Variants in PPARGC1A observed in about 807,000 individuals in gnomAD.
PPARGC1A encodes PPARG coactivator 1 alpha, also known as peroxisome proliferator-activated receptor gamma coactivator 1-alpha.
A neutral mutation model predicts 88.7 loss-of-function variants in PPARGC1A; 25 were observed. That is an observed-to-expected ratio of 0.28 (90% confidence interval 0.21 to 0.39). PPARGC1A has a LOEUF of 0.39. PPARGC1A is among the 10% of genes least tolerant of loss of function. The probability of loss-of-function intolerance (pLI) is 1.00; values close to 1 mark genes in which losing one functional copy is unlikely to be tolerated. For missense variants in PPARGC1A, 880 were observed against 968.7 expected (o/e 0.91, Z 1.22); for synonymous variants, 363 against 355.6 (o/e 1.02, Z -0.24).
the PPARGC1A span, among the ~76,000 whole-genome samples, chr4:24,437,689 G>A: frequency 1.3e-5 from 2 of 151,188 alleles, no homozygotes; most frequent in Non-Finnish European, 2.9e-5. Flanking sequence ...TTCTTTTCGA[G>A]ATGGAGTTTT....
At chr4:23,913,299 GAGAGAGA>G in the PPARGC1A span, among the ~76,000 whole-genome samples, 36 of 135,564 alleles carry the variant, frequency 2.7e-4, no homozygotes, top group African/African-American at 9.5e-4. Context: ...GAGAGAGAGA[GAGAGAGA>G]GAAAGAGAAA....
chr4:24,200,387 G>T, the PPARGC1A span, among the ~76,000 whole-genome samples: 5 of 151,720 alleles, frequency 3.3e-5, no homozygotes, highest in Non-Finnish European at 7.4e-5. Flanking sequence ...GGTGGACACC[G>T]GTAATCCCAG....
At chr4:24,091,823 T>A in the PPARGC1A span, among the ~76,000 whole-genome samples, 1 of 151,994 alleles carries the variant, frequency 6.6e-6, no homozygotes. Context: ...AATGGGTCAT[T>A]CTTATGCTTG....
At chr4:23,897,713 C>T (rs138612754) in intron 1 of PPARGC1A, among the ~76,000 whole-genome samples, 16 of 152,282 alleles carry the variant, frequency 1.1e-4, no homozygotes, top group Admixed American at 1.3e-4. Flanking sequence ...AACCACTCAA[C>T]GATTCTAGAA....
At chr4:24,430,255 CT>C in the PPARGC1A span, among the ~76,000 whole-genome samples, 759 of 110,724 alleles carry the variant, frequency 6.9e-3, 2 homozygotes, top group African/African-American at 0.02. Context: ...TTTTGTATTT[CT>C]TTTTTTTTTT....
chr4:24,153,788 T>C, the PPARGC1A span, among the ~76,000 whole-genome samples: 4 of 152,140 alleles, frequency 2.6e-5, no homozygotes, highest in Admixed American at 2.6e-4. Context: ...GGCTGGACTG[T>C]AGAATTTCTA....
chr4:24,384,558 C>CAAAAAAA, the PPARGC1A span, among the ~76,000 whole-genome samples: 5 of 53,952 alleles, frequency 9.3e-5, no homozygotes, highest in East Asian at 6.8e-4. Context: ...AAATGGAAAG[C>CAAAAAAA]AAAAAAAAAA....
chr4:24,261,649 G>C, the PPARGC1A span, among the ~76,000 whole-genome samples: 1 of 152,136 alleles, frequency 6.6e-6, no homozygotes, highest in African/African-American at 2.4e-5. Context: ...CATTAGTCAC[G>C]AGAATGTAAT....
chr4:24,174,688 C>A, the PPARGC1A span, among the ~76,000 whole-genome samples: 1 of 152,156 alleles, frequency 6.6e-6, no homozygotes, highest in South Asian at 2.1e-4. Context: ...GGGTTCCAAC[C>A]CAAGTCTTAT....
the PPARGC1A span, among the ~76,000 whole-genome samples, chr4:24,175,086 G>A: frequency 1.3e-5 from 2 of 152,202 alleles, no homozygotes; most frequent in East Asian, 1.9e-4. Flanking sequence ...CAGAGGCCTC[G>A]CGATATATAT....
At chr4:24,339,191 C>CGTGTGTGTGTGTGT in the PPARGC1A span, among the ~76,000 whole-genome samples, 35 of 102,828 alleles carry the variant, frequency 3.4e-4, no homozygotes, top group African/African-American at 1.3e-3. Context: ...AAGGTTCATC[C>CGTGTGTGTGTGTGT]ATGTGTGTGT....
At chr4:24,116,238 C>T in the PPARGC1A span, among the ~76,000 whole-genome samples, 3 of 152,262 alleles carry the variant, frequency 2.0e-5, no homozygotes, top group African/African-American at 7.2e-5. Flanking sequence ...TTCATTCTGT[C>T]AACAAATATT....
chr4:24,470,291 C>G, the PPARGC1A span, among the ~76,000 whole-genome samples: 35 of 139,744 alleles, frequency 2.5e-4, no homozygotes, highest in African/African-American at 8.8e-4. This position sits in a 1 kb window ranked among gnomAD's most constrained non-coding sequence, Gnocchi z 5.8. Flanking sequence ...CACACACACA[C>G]ACACACACAC....
At chr4:24,238,033 G>T in the PPARGC1A span, among the ~76,000 whole-genome samples, 39 of 152,302 alleles carry the variant, frequency 2.6e-4, no homozygotes, top group East Asian at 3.5e-3. Context: ...ACACAGAGAG[G>T]TTAGGTAACT....
the PPARGC1A span, among the ~76,000 whole-genome samples, chr4:24,173,338 CAAAA>C: frequency 2.7e-4 from 32 of 117,556 alleles, no homozygotes; most frequent in Non-Finnish European, 3.5e-4. Context: ...CTTTCCCCAC[CAAAA>C]AAAAAAAAAA....
At chr4:24,312,633 C>CAA in the PPARGC1A span, among the ~76,000 whole-genome samples, 7,492 of 125,916 alleles carry the variant, frequency 0.059, 292 homozygotes, top group African/African-American at 0.094. Flanking sequence ...TTTCATCAAC[C>CAA]AAAAAAAAAA....
chr4:24,013,835 G>T, the PPARGC1A span, among the ~76,000 whole-genome samples: 4 of 152,132 alleles, frequency 2.6e-5, no homozygotes, highest in Admixed American at 6.5e-5. Flanking sequence ...AGGGTGCCAA[G>T]AATTAATTAC....
At chr4:23,914,710 TGCC>T in the PPARGC1A span, among the ~76,000 whole-genome samples, 32,648 of 152,098 alleles carry the variant, frequency 0.21, 3,955 homozygotes, top group East Asian at 0.35. Context: ...TGACTAACCA[TGCC>T]AACGGCAGTC....
the PPARGC1A span, among the ~76,000 whole-genome samples, chr4:24,000,475 TA>T: frequency 6.7e-6 from 1 of 149,962 alleles, no homozygotes; most frequent in African/African-American, 2.5e-5. Context: ...GGGCATATAA[TA>T]AAAAAATCCA....
Sources: gnomAD v4.1 joint callset for allele counts (sites outside exome capture counted in the v4.1 genomes callset) on GRCh38, gnomAD v4.1.1 for gene constraint, Gnocchi (gnomAD v3.1) non-coding constraint, MANE v1.5 for transcripts, NCBI Gene and HGNC (gene_info 2026-07-23, HGNC 2026-07-21) for gene names.